Variants in FADS2 observed in about 807,000 individuals in gnomAD.
FADS2 encodes the protein fatty acid desaturase 2, also known as acyl-CoA 6-desaturase.
FADS2 carries 18 observed loss-of-function variants against 61.2 expected under a neutral mutation model. The ratio of observed to expected loss-of-function variants is 0.29; its 90% CI spans 0.20 to 0.44. The LOEUF is 0.44. Among genes scored for constraint, FADS2 ranks in the 20% least tolerant of loss-of-function variants. The pLI is 1.00. For synonymous variants in FADS2, 203 were observed against 223.9 expected (o/e 0.91, Z 0.83); for missense variants, 322 against 572.7 (o/e 0.56, Z 4.47).
chr11:61,833,737 T>A lies in FADS2; in HGVS notation c.208-4041T>A, dbSNP rs117921900. 2.2e-4 allele frequency among the ~76,000 whole-genome samples: 34 copies of A among 152,370 alleles called. 2 individuals carry two copies. The East Asian group carries it at 6.5e-3, about 29-fold the overall frequency. On this transcript the variant is annotated intron_variant, in intron 1 of 11. Transcript: ENST00000278840. Reference sequence around the variant, plus strand: ...GCTGTAGCAACCACCAGCGTGGGGATGCCGGAGAAGGCTTTTGGTGTTCCA... The same window carrying A: ...GCTGTAGCAACCACCAGCGTGGGGAAGCCGGAGAAGGCTTTTGGTGTTCCA...
At chr11:61,820,899 C>CTAAA (rs1222213898) in intron 1 of FADS2, among the ~76,000 whole-genome samples, 2 of 151,850 alleles carry the variant, frequency 1.3e-5, no homozygotes, top group African/African-American at 2.4e-5. Context: ...GACTCTGTCT[C>CTAAA]TAAATAAATA....
intron 1 of FADS2, among the ~76,000 whole-genome samples, chr11:61,819,872 C>T (rs1055736478): frequency 2.2e-5 from 3 of 139,138 alleles, no homozygotes; most frequent in Non-Finnish European, 4.6e-5. Flanking sequence ...CCCCCTCCCC[C>T]GAATCAAGGA....
intron 1 of FADS2, among the ~76,000 whole-genome samples, chr11:61,837,456 T>A (rs1408422121): frequency 6.6e-6 from 1 of 152,244 alleles, no homozygotes; most frequent in Non-Finnish European, 1.5e-5. Flanking sequence ...CTGAGCCCCG[T>A]GTCTGCCTGG....
intron 7 of FADS2, 61 bp from the exon 8 acceptor site, chr11:61,862,911 C>T (rs111788347): frequency 8.1e-6 from 11 of 1,351,436 alleles, no homozygotes; most frequent in East Asian, 4.6e-5. Context: ...ATCTGGGGCA[C>T]GCACTTGGTG....
upstream of FADS2, chr11:61,828,193 C>G: frequency 1.4e-6 from 2 of 1,417,378 alleles, no homozygotes; most frequent in Non-Finnish European, 1.8e-6. The surrounding 1 kb of genome is among the most constrained non-coding windows in gnomAD (Gnocchi z 6.4). Flanking sequence ...AGGGATCCTC[C>G]GCCAGGAAGG....
At chr11:61,824,484 G>A (rs71460595), upstream of FADS2, among the ~76,000 whole-genome samples, 26,664 of 39,138 alleles carry the variant, frequency 0.68, 10,570 homozygotes, top group South Asian at 0.91. Context: ...GAGAGAGAGA[G>A]AGAGAGAAAG....
chr11:61,835,890 T>C (rs1025808726), intron 1 of FADS2, among the ~76,000 whole-genome samples: 2 of 152,130 alleles, frequency 1.3e-5, no homozygotes, highest in Non-Finnish European at 2.9e-5. Flanking sequence ...TCTTCAACAT[T>C]TCCGGAGAAA....
At chr11:61,851,744 G>A (rs931038109) in intron 5 of FADS2, among the ~76,000 whole-genome samples, 1 of 152,256 alleles carries the variant, frequency 6.6e-6, no homozygotes. Flanking sequence ...GGACAGATAA[G>A]CAAAGCAGCC....
At chr11:61,832,013 A>G (rs760156793) in intron 1 of FADS2, among the ~76,000 whole-genome samples, 2 of 152,194 alleles carry the variant, frequency 1.3e-5, no homozygotes, top group Non-Finnish European at 2.9e-5. Flanking sequence ...CTGGGCCCAG[A>G]CACAGAGATG....
In FADS2 at chr11:61,863,055, C is replaced by T; in HGVS notation, c.966C>T (p.Phe322=). 1 of 1,614,094 alleles carries T rather than the reference C, an allele frequency of 6.2e-7. No homozygotes were observed. Among genetic ancestry groups the T allele is most frequent in the Non-Finnish European group, 8.5e-7 (1 of 1,179,900 alleles). Residue 322 remains phenylalanine (F), a synonymous_variant, in exon 8 of 12, where the codon TTC becomes TTT. Coordinates refer to ENST00000278840, the MANE Select transcript of FADS2 (RefSeq NM_004265.4). The stretch of plus-strand genomic sequence containing the variant: ...ACGGCATCCTGGGAGCCCTCCTTTT[C>T]CTCAACTTCATCAGGTGCCTGGGCT... ...PFYGILGALL[F]LNFIRFLESH...
chr11:61,860,669 G>A (rs2067405970), intron 7 of FADS2, among the ~76,000 whole-genome samples: 1 of 152,226 alleles, frequency 6.6e-6, no homozygotes, highest in Non-Finnish European at 1.5e-5. Context: ...TGTGATCTCA[G>A]CACTTTGGGA....
intron 5 of FADS2, among the ~76,000 whole-genome samples, chr11:61,849,072 G>C (rs1032581802): frequency 2.0e-5 from 3 of 152,068 alleles, no homozygotes; most frequent in Non-Finnish European, 4.4e-5. Flanking sequence ...ACTAATTTTT[G>C]TATTTTTAGT....
chr11:61,834,805 C>T (rs1295286822), intron 1 of FADS2, among the ~76,000 whole-genome samples: 1 of 152,142 alleles, frequency 6.6e-6, no homozygotes, highest in Non-Finnish European at 1.5e-5. Context: ...TTTTCAGGCC[C>T]AGCCCTGGGC....
chr11:61,840,442 C>T lies in FADS2; in HGVS notation c.427C>T (p.Leu143=). Residue 143 remains leucine (L), a synonymous_variant, in exon 3 of 12, where the codon CTG becomes TTG. Transcript: ENST00000278840. ...CCTCCTCCTGGCCCACATCATCGCCCTGGAGAGCATTGCATGGTTCACTGT... is the reference window on the plus strand; with the variant it reads ...CCTCCTCCTGGCCCACATCATCGCCTTGGAGAGCATTGCATGGTTCACTGT... ...FLLLLAHIIA[L]ESIAWFTVFY... The T allele has an allele frequency of 6.2e-7, 1 of 1,614,218 alleles. No homozygotes were observed. Among genetic ancestry groups the T allele is most frequent in the Middle Eastern group, 1.6e-4 (1 of 6,062 alleles).
At chr11:61,821,210 A>G (rs1376674316) in intron 1 of FADS2, among the ~76,000 whole-genome samples, 1 of 152,172 alleles carries the variant, frequency 6.6e-6, no homozygotes, top group Non-Finnish European at 1.5e-5. Flanking sequence ...AAGGAACAGA[A>G]CGAAATGAGC....
chr11:61,826,381 C>A, upstream of FADS2: 1 of 702,600 alleles, frequency 1.4e-6, no homozygotes, highest in Admixed American at 2.0e-5. Flanking sequence ...CCCATACGTG[C>A]TCCCTTTTAG....
chr11:61,839,138 C>T (rs2067198005), intron 2 of FADS2, among the ~76,000 whole-genome samples: 1 of 151,956 alleles, frequency 6.6e-6, no homozygotes, highest in Admixed American at 6.6e-5. Context: ...CTCCTTGACT[C>T]CGCTTTGCCT....
rs969674309 is a variant in FADS2, at chr11:61,867,066, G to A, written c.*1377G>A. 2 of 152,430 alleles carry A rather than the reference G, an allele frequency of 1.3e-5. No homozygotes were observed. The highest frequency in any genetic ancestry group is 4.8e-5 in the African/African-American group (2 of 41,418). 9.4% of individuals were successfully genotyped at this position (152,430 alleles called of 1,614,324 possible). On this transcript the variant is annotated 3_prime_UTR_variant, in exon 12 of 12. Coordinates refer to ENST00000278840, the MANE Select transcript of FADS2 (RefSeq NM_004265.4). ...AGTCCTGGGAGGATCCTGAGCTGCT[G>A]TTGCAGTCTAACCCACTAATCAGTT... is the stretch of plus-strand genomic sequence containing the variant.
chr11:61,848,134 C>T lies in FADS2; in HGVS notation c.619-25C>T, dbSNP rs540099308. On this transcript the variant is annotated intron_variant, in intron 4 of 11. Transcript: ENST00000278840. ...CGGTTCCCTGGTGGCTTGCATGGCT[C>T]ATCCCCACCCCTCTCTCCCCACAGG... The T allele has an allele frequency of 1.1e-4, 176 of 1,613,950 alleles. 1 individual carries two copies. Among genetic ancestry groups the T allele is most frequent in the South Asian group, 1.0e-3 (95 of 91,072 alleles).
Sources: allele counts gnomAD v4.1 joint callset (sites outside exome capture counted in the v4.1 genomes callset), GRCh38; gene constraint gnomAD v4.1.1; non-coding constraint Gnocchi (gnomAD v3.1); transcripts MANE v1.5; gene names NCBI Gene and HGNC (gene_info 2026-07-23, HGNC 2026-07-21).